The following WNK3 variants were observed in gnomAD, a reference collection of about 807,000 sequenced individuals.
WNK3 encodes the protein WNK lysine deficient protein kinase 3, also known as serine/threonine-protein kinase WNK3.
In WNK3, 18 loss-of-function variants were observed where a neutral mutation model predicts 116.7. The ratio of observed to expected loss-of-function variants is 0.15; its 90% CI spans 0.11 to 0.23. WNK3 has a LOEUF of 0.23. WNK3 is among the 10% of genes least tolerant of loss of function. WNK3 has a pLI of 1.00. For missense variants in WNK3, 993 were observed against 1,323.8 expected (o/e 0.75, Z 3.88); for synonymous variants, 404 against 469.4 (o/e 0.86, Z 1.80).
At chrX:54,231,371 TG>T (rs782492379) in intron 21 of WNK3, among the ~76,000 whole-genome samples, 92 of 111,923 alleles carry the variant, frequency 8.2e-4, no homozygotes, top group African/African-American at 3.0e-3. Context: ...CAACACAAAT[TG>T]ATCTTATAGT....
At chrX:54,341,264 G>A (rs2069319009) in intron 1 of WNK3, among the ~76,000 whole-genome samples, 1 of 110,800 alleles carries the variant, frequency 9.0e-6, no homozygotes, top group Admixed American at 9.8e-5. Context: ...AGGCGTGGTA[G>A]TGGGTACCTA....
chrX:54,347,773 T>C (rs957316487), intron 1 of WNK3, among the ~76,000 whole-genome samples: 8 of 108,105 alleles, frequency 7.4e-5, no homozygotes, highest in Admixed American at 2.0e-4. Flanking sequence ...TACATATACA[T>C]ATACATAATA....
In WNK3 at chrX:54,250,218, A is replaced by T. The variant is rs2068115066; in HGVS notation, c.2576-87T>A. On this transcript the variant is annotated intron_variant, in intron 15 of 23. Coordinates refer to ENST00000354646, the Ensembl canonical transcript of WNK3. Reference sequence around the variant, plus strand: ...ACTGAAGAAGCCAGGTTAAATAAACAATTTGTCTTATATCTCCATTTCTAA... The same window carrying T: ...ACTGAAGAAGCCAGGTTAAATAAACTATTTGTCTTATATCTCCATTTCTAA... 1.6e-5 allele frequency: 15 copies of T among 909,453 alleles called. No homozygotes were observed. In the South Asian group the frequency reaches 3.1e-4, roughly 19 times the overall value. The allele number at this position is 909,453 out of a possible 1,213,427, so 74.9% of individuals were successfully genotyped here. A position where few individuals can be genotyped will look rare whatever the true frequency, so the allele number is the denominator to read the frequency against.
intron 2 of WNK3, among the ~76,000 whole-genome samples, chrX:54,317,628 A>AT (rs1218054644): frequency 1.9e-5 from 2 of 106,292 alleles, no homozygotes; most frequent in African/African-American, 3.4e-5. Flanking sequence ...GGGAAGTTAA[A>AT]TTTTTTTTTT....
chrX:54,278,341 A>G (rs1003642204), intron 10 of WNK3, among the ~76,000 whole-genome samples: 1 of 110,066 alleles, frequency 9.1e-6, no homozygotes, highest in African/African-American at 3.3e-5. Context: ...TTACTATCAA[A>G]ATCCCAGCAA....
intron 10 of WNK3, among the ~76,000 whole-genome samples, chrX:54,269,131 T>G (rs955430047): frequency 9.0e-6 from 1 of 110,702 alleles, no homozygotes; most frequent in Non-Finnish European, 1.9e-5. Flanking sequence ...ATGAGGAAAC[T>G]TCAAACAAAC....
chrX:54,283,828 C>A (rs2068548205), intron 10 of WNK3, among the ~76,000 whole-genome samples: 2 of 94,833 alleles, frequency 2.1e-5, no homozygotes, highest in African/African-American at 3.9e-5. Flanking sequence ...AAAGGGATGT[C>A]TTTTCAACAG....
chrX:54,199,703 G>A (rs1441053645), intron 23 of WNK3, among the ~76,000 whole-genome samples: 5 of 111,217 alleles, frequency 4.5e-5, no homozygotes, highest in African/African-American at 9.8e-5. Flanking sequence ...GTATGGTCGC[G>A]AGCGCCTGTA....
At chrX:54,217,048 G>C (rs782404340) in intron 22 of WNK3, among the ~76,000 whole-genome samples, 23 of 110,780 alleles carry the variant, frequency 2.1e-4, no homozygotes, top group African/African-American at 3.9e-4. Context: ...GGCCGGGCAC[G>C]GTGGCTCACG....
chrX:54,215,543 C>T (rs2067680176), intron 22 of WNK3, among the ~76,000 whole-genome samples: 1 of 112,456 alleles, frequency 8.9e-6, no homozygotes, highest in Non-Finnish European at 1.9e-5. Context: ...TCGCTACAAC[C>T]TCCACCTCCC....
chrX:54,213,821 A>G (rs2067651111), intron 22 of WNK3, among the ~76,000 whole-genome samples: 1 of 110,558 alleles, frequency 9.0e-6, no homozygotes, highest in South Asian at 3.8e-4. Flanking sequence ...GATATTAAAT[A>G]TAATGTTCAT....
At chrX:54,299,575 C>T (rs782699157) in intron 6 of WNK3, among the ~76,000 whole-genome samples, 3 of 105,362 alleles carry the variant, frequency 2.8e-5, no homozygotes, top group Non-Finnish European at 5.8e-5. Context: ...CAGGTGTGTG[C>T]CACCACGCTC....
intron 5 of WNK3, among the ~76,000 whole-genome samples, chrX:54,306,743 TAAC>T (rs1480290069): frequency 1.8e-5 from 2 of 110,645 alleles, no homozygotes; most frequent in Admixed American, 9.8e-5. Context: ...CAGTCGATAA[TAAC>T]AATAATATAC....
exon 19 of WNK3, chrX:54,238,350 G>C: frequency 8.3e-7 from 1 of 1,204,379 alleles, no homozygotes; most frequent in Non-Finnish European, 1.1e-6. Flanking sequence ...ACCTGGAACC[G>C]ACCCCGCTGA....
chrX:54,291,942 G>A (rs1224343055), intron 10 of WNK3, among the ~76,000 whole-genome samples: 1 of 111,541 alleles, frequency 9.0e-6, no homozygotes, highest in Non-Finnish European at 1.9e-5. Context: ...GCAAGGTATG[G>A]TGGGAGGTGA....
At chrX:54,272,756 T>C (rs1355936548) in intron 10 of WNK3, among the ~76,000 whole-genome samples, 2 of 112,031 alleles carry the variant, frequency 1.8e-5, no homozygotes, top group Non-Finnish European at 3.8e-5. Context: ...GCCAATTTCT[T>C]AAAACCACTG....
intron 10 of WNK3, among the ~76,000 whole-genome samples, chrX:54,266,954 C>T (rs1297748752): frequency 3.6e-5 from 4 of 110,455 alleles, no homozygotes; most frequent in Non-Finnish European, 5.7e-5. Context: ...CATGTGTTCT[C>T]ATTGTTCAAC....
chrX:54,281,483 CA>C (rs1165579592), intron 10 of WNK3, among the ~76,000 whole-genome samples: 1 of 109,939 alleles, frequency 9.1e-6, no homozygotes, highest in East Asian at 2.8e-4. Context: ...GACGCTGACT[CA>C]AAAAAAAATT....
At chrX:54,205,850 A>G (rs2067548609) in intron 22 of WNK3, among the ~76,000 whole-genome samples, 1 of 111,895 alleles carries the variant, frequency 8.9e-6, no homozygotes, top group South Asian at 3.8e-4. Context: ...GTGGTTTATG[A>G]TAGGTAGTAA....
Sources: allele counts gnomAD v4.1 joint callset (sites outside exome capture counted in the v4.1 genomes callset), GRCh38; gene constraint gnomAD v4.1.1; transcripts MANE v1.5; gene names NCBI Gene and HGNC (gene_info 2026-07-23, HGNC 2026-07-21).